GALM: variants seen among roughly 807,000 people sequenced by gnomAD.
The protein encoded by GALM is galactose mutarotase.
Under a neutral mutation model 37.4 loss-of-function variants are expected in GALM, and 43 were observed. That is an observed-to-expected ratio of 1.15 (90% confidence interval 0.90 to 1.48). The LOEUF (loss-of-function observed/expected upper bound fraction) is 1.48, where lower values mean the gene tolerates loss of function less well. Ranked by LOEUF, GALM falls within the 40% of genes most tolerant of loss-of-function variation. The pLI is 0.00. For missense variants in GALM, 456 were observed against 419.1 expected, an observed-to-expected ratio of 1.09 and a Z score of -0.77; for synonymous variants, 199 against 170.6, an observed-to-expected ratio of 1.17 and a Z score of -1.30.
Position 38,729,620 on chromosome 2 carries a change from C to T in GALM, c.699C>T (p.His233=), listed in dbSNP as rs779485843. 3.0e-5 allele frequency: 48 copies of T among 1,613,018 alleles called. No individual in the cohort carries two copies. Among genetic ancestry groups the T allele is most frequent in the Non-Finnish European group, 3.8e-5 (45 of 1,179,140 alleles). ...GAAAGCCAGTGGAGCTTGGAAAACA[C>T]CTGCAGGACTTCCATCTCAATGGTT... ...DLRKPVELGK[H]LQDFHLNGFD... Residue 233 remains histidine (H), a synonymous_variant, in exon 5 of 7, where the codon CAC becomes CAT. Transcript: ENST00000272252.
intron 4 of GALM, among the ~76,000 whole-genome samples, chr2:38,691,040 G>A (rs1225446039): frequency 1.3e-5 from 2 of 152,142 alleles, no homozygotes; most frequent in Non-Finnish European, 2.9e-5. Flanking sequence ...CAATAGAAGG[G>A]CATGAGTAAG....
At chr2:38,675,543 T>G (rs11682076) in intron 1 of GALM, among the ~76,000 whole-genome samples, 7,836 of 32,494 alleles carry the variant, frequency 0.24, 937 homozygotes, top group African/African-American at 0.26. Context: ...TTTTTTTTTT[T>G]TGTGTGTGTG....
chr2:38,714,049 C>A (rs1366858031), intron 4 of GALM, among the ~76,000 whole-genome samples: 1 of 151,938 alleles, frequency 6.6e-6, no homozygotes, highest in African/African-American at 2.4e-5. Context: ...GTGCTTAGAA[C>A]AGTTCCTGGC....
chr2:38,725,207 G>A (rs1276712808), intron 4 of GALM, among the ~76,000 whole-genome samples: 3 of 152,132 alleles, frequency 2.0e-5, no homozygotes, highest in Non-Finnish European at 4.4e-5. Context: ...CTGAGCCCAT[G>A]AGAATACCTG....
chr2:38,678,716 G>A (rs1038939337), intron 2 of GALM, among the ~76,000 whole-genome samples: 3 of 152,158 alleles, frequency 2.0e-5, no homozygotes, highest in African/African-American at 7.2e-5. Flanking sequence ...CTTCACTGTA[G>A]GTGAAGGCAG....
chr2:38,711,212 T>C (rs1666146042), intron 4 of GALM, among the ~76,000 whole-genome samples: 1 of 149,680 alleles, frequency 6.7e-6, no homozygotes, highest in Non-Finnish European at 1.5e-5. Context: ...CAGGCTGGCA[T>C]GCAATGGCGC....
Position 38,731,915 on chromosome 2 carries a change from G to A in GALM, c.951+6G>A. ...GGCCTGATGCAGTCAATCAGGTAAT[G>A]CCACAGGCTGGCTTTTCAGAGTAGA... On this transcript the variant is annotated splice_donor_region_variant and intron_variant, in intron 6 of 6. Transcript: ENST00000272252. The A allele has an allele frequency of 6.2e-7, 1 of 1,613,276 alleles. No homozygotes were observed. The highest frequency in any genetic ancestry group is 8.5e-7 in the Non-Finnish European group (1 of 1,179,362).
At chr2:38,730,611 A>T (rs1428391062) in intron 5 of GALM, among the ~76,000 whole-genome samples, 1 of 152,162 alleles carries the variant, frequency 6.6e-6, no homozygotes, top group Non-Finnish European at 1.5e-5. Flanking sequence ...CCAAATAGTG[A>T]CAGAAAGAAG....
At chr2:38,711,617 G>A (rs986066782) in intron 4 of GALM, among the ~76,000 whole-genome samples, 1 of 151,402 alleles carries the variant, frequency 6.6e-6, no homozygotes, top group African/African-American at 2.4e-5. Flanking sequence ...ATAGCAAGGT[G>A]GTTAAGAACA....
At chr2:38,674,588 A>G (rs35927971) in intron 1 of GALM, among the ~76,000 whole-genome samples, 31,134 of 152,098 alleles carry the variant, frequency 0.2, 4,127 homozygotes, top group East Asian at 0.53. Flanking sequence ...CATTTAACCA[A>G]GCATTCTATA....
chr2:38,699,240 C>T (rs1481753991), intron 4 of GALM, among the ~76,000 whole-genome samples: 2 of 152,042 alleles, frequency 1.3e-5, no homozygotes, highest in African/African-American at 2.4e-5. Context: ...TTAATTGATA[C>T]CTAATACTTG....
Position 38,729,638 on chromosome 2 carries a change from C to A in GALM, c.717C>A (p.Leu239=). 6.2e-7 allele frequency: 1 copy of A among 1,613,602 alleles called. No individual in the cohort carries two copies. The highest frequency in any genetic ancestry group is 1.1e-5 in the South Asian group (1 of 91,066). ...GAAAACACCTGCAGGACTTCCATCT[C>A]AATGGTTTTGACCACAATTTCTGTC... is the stretch of plus-strand genomic sequence containing the variant. ...ELGKHLQDFH[L]NGFDHNFCLK... is the part of the protein sequence containing the mutation. The change falls in exon 5 of 7, where the codon CTC becomes CTA. Residue 239 remains leucine, a synonymous_variant. Transcript: ENST00000272252.
At chr2:38,689,702 G>T in intron 3 of GALM, 111 bp from the exon 4 acceptor site, 1 of 664,164 alleles carries the variant, frequency 1.5e-6, no homozygotes. Flanking sequence ...AGCCAAACAA[G>T]ATTTTAAAAG....
chr2:38,700,775 G>GT (rs1353739992), intron 4 of GALM, among the ~76,000 whole-genome samples: 2 of 151,962 alleles, frequency 1.3e-5, no homozygotes, highest in Non-Finnish European at 2.9e-5. Context: ...ATTATTTTCT[G>GT]TTTTTTTAAA....
chr2:38,699,295 G>T (rs1224922395), intron 4 of GALM, among the ~76,000 whole-genome samples: 1 of 152,068 alleles, frequency 6.6e-6, no homozygotes, highest in Non-Finnish European at 1.5e-5. Context: ...TATTTACAGG[G>T]TACACTGGGA....
chr2:38,712,004 T>C (rs1480736360), intron 4 of GALM, among the ~76,000 whole-genome samples: 1 of 152,154 alleles, frequency 6.6e-6, no homozygotes, highest in African/African-American at 2.4e-5. Context: ...GATTATGTTT[T>C]GTGCCCAGGG....
chr2:38,698,223 T>C (rs1009952125), intron 4 of GALM: 1 of 342,540 alleles, frequency 2.9e-6, no homozygotes, highest in African/African-American at 2.2e-5. Context: ...GGATTATATA[T>C]ATATTTTAAA....
chr2:38,667,441 G>A (rs184233472), intron 1 of GALM, among the ~76,000 whole-genome samples: 9 of 152,174 alleles, frequency 5.9e-5, no homozygotes, highest in African/African-American at 2.2e-4. Context: ...ATGGTGGCAC[G>A]TGCCTGTAAT....
Position 38,695,543 on chromosome 2 carries a change from A to G in GALM, c.634+5649A>G, listed in dbSNP as rs191408732. Among the ~76,000 whole-genome samples, 11 of 152,350 alleles carry G rather than the reference A, an allele frequency of 7.2e-5. No homozygotes were observed. The East Asian group carries it at 1.7e-3, about 24-fold the overall frequency. On this transcript the variant is annotated intron_variant, in intron 4 of 6. Transcript: ENST00000272252. ...TGTGCTGAAACCCTCAGAAATCAAC[A>G]GTAGAAAACTTCTCTAAAACAGCTT...
Sources: gnomAD v4.1 joint callset for allele counts (sites outside exome capture counted in the v4.1 genomes callset) on GRCh38, gnomAD v4.1.1 for gene constraint, MANE v1.5 for transcripts, NCBI Gene and HGNC (gene_info 2026-07-23, HGNC 2026-07-21) for gene names.